HPS3: variants seen among roughly 807,000 people sequenced by gnomAD.
HPS3 encodes the protein BLOC-2 complex member HPS3.
Under a neutral mutation model 110.9 loss-of-function variants are expected in HPS3, and 79 were observed. That is an observed-to-expected ratio of 0.71 (90% confidence interval 0.59 to 0.86). The LOEUF is 0.86. Ranked by LOEUF, HPS3 falls within the 40% of genes least tolerant of loss-of-function variation. The probability of loss-of-function intolerance (pLI) is 0.00; values close to 1 mark genes in which losing one functional copy is unlikely to be tolerated. For synonymous variants in HPS3, 428 were observed against 451.0 expected, an observed-to-expected ratio of 0.95 and a Z score of 0.65; for missense variants, 1,197 against 1,206.2, an observed-to-expected ratio of 0.99 and a Z score of 0.11.
chr3:149,171,482 A>G (rs1724983639), intron 16 of HPS3, among the ~76,000 whole-genome samples: 1 of 152,192 alleles, frequency 6.6e-6, no homozygotes, highest in South Asian at 2.1e-4. Flanking sequence ...TATTCAAATG[A>G]TTGTACTTTT....
intron 1 of HPS3, among the ~76,000 whole-genome samples, chr3:149,132,729 C>T (rs1291363007): frequency 6.6e-6 from 1 of 152,200 alleles, no homozygotes; most frequent in Non-Finnish European, 1.5e-5. Context: ...AGTGATTCTT[C>T]TGATGGATCT....
chr3:149,131,039 G>T (rs1721732629), intron 1 of HPS3, among the ~76,000 whole-genome samples: 1 of 151,608 alleles, frequency 6.6e-6, no homozygotes, highest in African/African-American at 2.4e-5. Context: ...CTTGAACCTG[G>T]AAGATTGGAG....
intron 4 of HPS3, among the ~76,000 whole-genome samples, chr3:149,142,335 T>G (rs1263017606): frequency 6.6e-6 from 1 of 152,214 alleles, no homozygotes; most frequent in African/African-American, 2.4e-5. Context: ...TTGGCCAAGC[T>G]TCTTATGATT....
intron 1 of HPS3, 81 bp downstream of exon 1, chr3:149,130,021 G>C: frequency 1.5e-6 from 2 of 1,325,622 alleles, no homozygotes; most frequent in South Asian, 1.3e-5. Context: ...CTGGGCTGTA[G>C]CTCTAGCTAG....
At chr3:149,144,436 T>C (rs189974433) in intron 4 of HPS3, among the ~76,000 whole-genome samples, 1 of 152,200 alleles carries the variant, frequency 6.6e-6, no homozygotes, top group Admixed American at 6.5e-5. Context: ...CCAGTAAGTG[T>C]TCACATTTCT....
rs2681096 is a variant in HPS3 at position 149,168,064 on chromosome 3, G to A, written c.2887+81G>A. 0.98 allele frequency: 832,414 copies of A among 849,458 alleles called. 407,940 individuals are homozygous for A. Among genetic ancestry groups the A allele is most frequent in the East Asian group, 1 (39,287 of 39,288 alleles). The allele number at this position is 849,458 out of a possible 1,614,324, so 52.6% of individuals were successfully genotyped here. On this transcript the variant is annotated intron_variant, in intron 16 of 16. Transcript: ENST00000296051. ...GTGAAGCCTTCTTAAGTATTTTCAT[G>A]TGATTCTCAAGTGAAACCGAGGGCC...
At chr3:149,141,509 C>A in intron 4 of HPS3, 129 bp downstream of exon 4, 1 of 626,120 alleles carries the variant, frequency 1.6e-6, no homozygotes, top group Non-Finnish European at 2.8e-6. Flanking sequence ...CCTTGTGGCC[C>A]TTTAACAAAG....
chr3:149,170,839 AT>A (rs1724902521), intron 16 of HPS3, among the ~76,000 whole-genome samples: 1 of 152,218 alleles, frequency 6.6e-6, no homozygotes. Context: ...TGGATAGAAG[AT>A]GTAAGACCAA....
At chr3:149,168,928 T>C (rs552273699) in intron 16 of HPS3, among the ~76,000 whole-genome samples, 2 of 152,284 alleles carry the variant, frequency 1.3e-5, no homozygotes, top group Admixed American at 6.5e-5. Flanking sequence ...CAGAAGACTC[T>C]TTCTTCATCC....
chr3:149,161,436 TTAATAC>T (rs1723812204), intron 11 of HPS3, among the ~76,000 whole-genome samples: 1 of 147,384 alleles, frequency 6.8e-6, no homozygotes, highest in Non-Finnish European at 1.5e-5. Context: ...CACATAGTTG[TTAATAC>T]TGCATTGTTT....
chr3:149,158,978 TG>T (rs1723626579), intron 10 of HPS3, 132 bp downstream of exon 10: 4 of 656,236 alleles, frequency 6.1e-6, no homozygotes, highest in Non-Finnish European at 7.8e-6. Flanking sequence ...AAAAAAGTAA[TG>T]TGACCTTTTC....
intron 1 of HPS3, among the ~76,000 whole-genome samples, chr3:149,137,488 AT>A (rs1230422540): frequency 3.3e-5 from 5 of 152,272 alleles, no homozygotes; most frequent in African/African-American, 1.2e-4. Context: ...ACCCAAAATA[AT>A]TGAAAGCAGG....
chr3:149,170,452 G>A (rs537952393), intron 16 of HPS3: 6 of 152,296 alleles, frequency 3.9e-5, no homozygotes, highest in Admixed American at 3.3e-4. Flanking sequence ...TATGTCAGAT[G>A]TGCATCATTG....
At chr3:149,166,904 G>A (rs1398805975) in intron 14 of HPS3, 130 bp from the exon 15 acceptor site, 5 of 740,014 alleles carry the variant, frequency 6.8e-6, no homozygotes, top group Non-Finnish European at 9.8e-6. Context: ...ACGTGCATGT[G>A]CTCTAATATG....
At chr3:149,156,015 C>A (rs1340576156) in intron 8 of HPS3, among the ~76,000 whole-genome samples, 3 of 152,138 alleles carry the variant, frequency 2.0e-5, no homozygotes, top group African/African-American at 7.2e-5. Flanking sequence ...GCTTGGGTGA[C>A]ACAGCAAGAC....
intron 10 of HPS3, among the ~76,000 whole-genome samples, chr3:149,159,134 A>G (rs1415369135): frequency 1.3e-5 from 2 of 152,310 alleles, no homozygotes; most frequent in East Asian, 3.9e-4. Flanking sequence ...GTAGAGCTAC[A>G]CAGAATGCGG....
intron 1 of HPS3, among the ~76,000 whole-genome samples, chr3:149,134,654 G>C (rs1721975362): frequency 6.6e-6 from 1 of 152,214 alleles, no homozygotes; most frequent in Non-Finnish European, 1.5e-5. Flanking sequence ...GGGTGAGTCA[G>C]ATATTTAATC....
chr3:149,139,934 C>G, intron 1 of HPS3, 70 bp from the exon 2 acceptor site: 2 of 1,375,102 alleles, frequency 1.5e-6, no homozygotes, highest in Non-Finnish European at 2.1e-6. Flanking sequence ...ATTAATAGTA[C>G]TCATGTCAGC....
chr3:149,158,536 C>T, intron 9 of HPS3, 130 bp from the exon 10 acceptor site: 1 of 900,090 alleles, frequency 1.1e-6, no homozygotes, highest in Non-Finnish European at 1.8e-6. Flanking sequence ...ACCTGGAATC[C>T]CAGCACTTTG....
Sources: allele counts gnomAD v4.1 joint callset (sites outside exome capture counted in the v4.1 genomes callset), GRCh38; gene constraint gnomAD v4.1.1; transcripts MANE v1.5; gene names NCBI Gene and HGNC (gene_info 2026-07-23, HGNC 2026-07-21).